The following SYBU variants were observed in gnomAD, a reference collection of about 807,000 sequenced individuals.
The protein encoded by SYBU is GOLSYN A protein.
SYBU carries 21 observed loss-of-function variants against 35.9 expected under a neutral mutation model. The ratio of observed to expected loss-of-function variants is 0.58; its 90% CI spans 0.41 to 0.84. The LOEUF (loss-of-function observed/expected upper bound fraction) is 0.84. Among genes scored for constraint, SYBU ranks in the 40% least tolerant of loss-of-function variants. The pLI, the probability that SYBU is intolerant of heterozygous loss-of-function variation, is 0.00. For missense variants in SYBU, 768 were observed against 848.2 expected (o/e 0.91, Z 1.17); for synonymous variants, 319 against 324.3 (o/e 0.98, Z 0.18).
At chr8:109,616,002 CTTTCTTTTTTTTT>C (rs1811728835) in intron 3 of SYBU, among the ~76,000 whole-genome samples, 1 of 99,288 alleles carries the variant, frequency 1.0e-5, no homozygotes, top group Admixed American at 1.0e-4. Context: ...CTTTTCTTTT[CTTTCTTTTTTTTT>C]TTTTTTTTTT....
At chr8:109,590,728 A>T (rs1824130567) in intron 3 of SYBU, among the ~76,000 whole-genome samples, 1 of 151,410 alleles carries the variant, frequency 6.6e-6, no homozygotes, top group Non-Finnish European at 1.5e-5. Context: ...ACATGATAAA[A>T]GGTTAATCTC....
intron 3 of SYBU, among the ~76,000 whole-genome samples, chr8:109,595,809 G>A (rs1474581505): frequency 2.6e-5 from 4 of 152,182 alleles, no homozygotes; most frequent in African/African-American, 9.7e-5. Flanking sequence ...GGAGGCAGGC[G>A]AATTTAAAAC....
At chr8:109,602,877 C>G (rs1454407050) in intron 3 of SYBU, among the ~76,000 whole-genome samples, 1 of 152,044 alleles carries the variant, frequency 6.6e-6, no homozygotes, top group Non-Finnish European at 1.5e-5. Context: ...TGTTTTTAAC[C>G]CTGACATGTG....
intron 1 of SYBU, among the ~76,000 whole-genome samples, chr8:109,666,729 C>T (rs1816766887): frequency 6.7e-6 from 1 of 149,746 alleles, no homozygotes; most frequent in South Asian, 2.1e-4. Flanking sequence ...GCCTAGGCAA[C>T]AGAGACTCCA....
intron 1 of SYBU, among the ~76,000 whole-genome samples, chr8:109,650,909 C>A (rs1573853): frequency 0.42 from 63,732 of 152,088 alleles, 14,720 homozygotes; most frequent in African/African-American, 0.63. Context: ...TCAATTATCC[C>A]TATTCCTTCT....
At chr8:109,645,036 C>A, upstream of SYBU, 1 of 494,958 alleles carries the variant, frequency 2.0e-6, no homozygotes, top group Non-Finnish European at 3.9e-6. Context: ...AGGAGCTCGG[C>A]CCGGTGTAGG....
At chr8:109,637,211 A>G (rs1814328956) in intron 2 of SYBU, among the ~76,000 whole-genome samples, 1 of 152,246 alleles carries the variant, frequency 6.6e-6, no homozygotes, top group Admixed American at 6.5e-5. Flanking sequence ...ATTTTAAACA[A>G]GTTTTACTGA....
chr8:109,593,935 G>C (rs1054002453), intron 3 of SYBU, among the ~76,000 whole-genome samples: 9 of 152,166 alleles, frequency 5.9e-5, no homozygotes, highest in African/African-American at 2.2e-4. Context: ...TAATAACAGA[G>C]CAAATCCTCC....
chr8:109,675,950 T>C lies in SYBU; in HGVS notation c.-129+4761A>G, dbSNP rs1338402982. ...GAAAAGCTTATCCACCATGATCAAG[T>C]TGGTTTCATCCCTGGGATGCAAGGC... On this transcript the variant is annotated intron_variant, in intron 1 of 5. Transcript: ENST00000408889. Among the ~76,000 whole-genome samples, 4 of 152,196 alleles carry C rather than the reference T, an allele frequency of 2.6e-5. 1 individual carries two copies. The highest frequency in any genetic ancestry group is 4.1e-4 in the South Asian group (2 of 4,832).
At chr8:109,658,877 C>G (rs767528165) in intron 1 of SYBU, among the ~76,000 whole-genome samples, 1 of 151,958 alleles carries the variant, frequency 6.6e-6, no homozygotes, top group Non-Finnish European at 1.5e-5. Context: ...TCGCTTGAAC[C>G]GGAAAGGCGG....
chr8:109,644,178 C>G lies in SYBU; in HGVS notation c.24+458G>C, dbSNP rs538249755. The G allele has an allele frequency of 2.6e-4, 121 of 461,692 alleles. 1 individual carries two copies. The highest frequency in any genetic ancestry group is 1.8e-3 in the Admixed American group (78 of 42,698). 28.6% of individuals were successfully genotyped at this position (461,692 alleles called of 1,614,324 possible). On this transcript the variant is annotated intron_variant, in intron 1 of 6. Coordinates refer to ENST00000276646, the MANE Select transcript of SYBU (RefSeq NM_001099754.2). ...ATCCACTCTACCCGGGGGCCGCCAGCCGCACGCAGCCTCGGATTCGCCCTG... is the reference window on the plus strand; with the variant it reads ...ATCCACTCTACCCGGGGGCCGCCAGGCGCACGCAGCCTCGGATTCGCCCTG...
intron 3 of SYBU, among the ~76,000 whole-genome samples, chr8:109,592,501 A>T (rs1357520764): frequency 6.6e-6 from 1 of 152,200 alleles, no homozygotes; most frequent in Admixed American, 6.5e-5. Flanking sequence ...TGAGCTAGGT[A>T]GCTTGGAAGG....
intron 2 of SYBU, among the ~76,000 whole-genome samples, chr8:109,640,824 A>G (rs1156608049): frequency 1.3e-5 from 2 of 151,224 alleles, no homozygotes; most frequent in African/African-American, 4.8e-5. Flanking sequence ...GTTAGCAAAA[A>G]AAAAAAAAAA....
rs529783301 is a variant in SYBU at position 109,611,535 on chromosome 8, A to G, written c.427+7307T>C. Among the ~76,000 whole-genome samples, 5 of 152,356 alleles carry G rather than the reference A, an allele frequency of 3.3e-5. 1 individual carries two copies. The highest frequency in any genetic ancestry group is 1.2e-4 in the African/African-American group (5 of 41,586). On this transcript the variant is annotated intron_variant, in intron 3 of 6. Transcript: ENST00000276646. ...GATAAACTATAAAATGGCCTGCCAT[A>G]AAACATGATCTGCTGTATCCTAGGG...
Position 109,691,462 on chromosome 8 carries a change from A to G in SYBU, c.-187T>C. On this transcript the variant is annotated 5_prime_UTR_variant, in exon 1 of 8. Transcript: ENST00000422135. This position sits in a 1 kb window ranked among gnomAD's most constrained non-coding sequence, Gnocchi z 4.7. ...CCCGCGTCGCTGCTGGTTTGCGCTC[A>G]GGCCCGGGGAGCCGGGCCCGGCCCG... 1 of 575,466 alleles carries G rather than the reference A, an allele frequency of 1.7e-6. No individual in the cohort carries two copies. Among genetic ancestry groups the G allele is most frequent in the South Asian group, 2.1e-5 (1 of 48,384 alleles). 35.6% of individuals were successfully genotyped at this position (575,466 alleles called of 1,614,324 possible). A position where few individuals can be genotyped will look rare whatever the true frequency, so the allele number is the denominator to read the frequency against.
rs757929430 is a variant in SYBU at position 109,579,870 on chromosome 8, A to T, written c.663T>A (p.Ser221Arg). ...TACTGCTTGGGGAAGAAGGTGCATA[A>T]CTGGGATGGATATTGACAGGGCTCA... is the stretch of plus-strand genomic sequence containing the variant. The part of the protein sequence containing the change: ...NQLSPVNIHP[S>R]YAPSSPSSSN... Residue 221 changes from serine to arginine, a missense_variant, in exon 5 of 7, where the codon AGT becomes AGA. Coordinates refer to ENST00000276646, the MANE Select transcript of SYBU (RefSeq NM_001099754.2). 1 of 1,614,094 alleles carries T rather than the reference A, an allele frequency of 6.2e-7. No individual in the cohort carries two copies.
chr8:109,604,492 C>T (rs1825863098), intron 3 of SYBU, among the ~76,000 whole-genome samples: 2 of 152,130 alleles, frequency 1.3e-5, no homozygotes, highest in Admixed American at 1.3e-4. Context: ...CACTGCCTAG[C>T]ACATTAATAA....
At chr8:109,627,523 T>A (rs1231419882) in intron 2 of SYBU, among the ~76,000 whole-genome samples, 7 of 152,218 alleles carry the variant, frequency 4.6e-5, no homozygotes, top group Non-Finnish European at 5.9e-5. Flanking sequence ...TTTAATAATA[T>A]GTTACTGTTG....
chr8:109,600,813 C>T (rs1825436513), intron 3 of SYBU, among the ~76,000 whole-genome samples: 1 of 152,126 alleles, frequency 6.6e-6, no homozygotes, highest in Non-Finnish European at 1.5e-5. Flanking sequence ...GTTAACATGG[C>T]CACATACATC....
Sources: allele counts gnomAD v4.1 joint callset (sites outside exome capture counted in the v4.1 genomes callset), GRCh38; gene constraint gnomAD v4.1.1; non-coding constraint Gnocchi (gnomAD v3.1); transcripts MANE v1.5; gene names NCBI Gene and HGNC (gene_info 2026-07-23, HGNC 2026-07-21).